The following CACNA1H variants were observed in gnomAD, a reference collection of about 807,000 sequenced individuals.
CACNA1H encodes calcium voltage-gated channel subunit alpha1 H.
CACNA1H carries 149 observed loss-of-function variants against 192.5 expected under a neutral mutation model. The ratio of observed to expected loss-of-function variants is 0.77; its 90% CI spans 0.68 to 0.89. The LOEUF (loss-of-function observed/expected upper bound fraction) is 0.89, where lower values mean the gene tolerates loss of function less well. CACNA1H is among the 40% of genes least tolerant of loss of function. The probability of loss-of-function intolerance (pLI) is 0.00; values close to 1 mark genes in which losing one functional copy is unlikely to be tolerated. For synonymous variants in CACNA1H, 2,202 were observed against 1,475.2 expected (o/e 1.49, Z -11.29); for missense variants, 4,257 against 3,423.5 (o/e 1.24, Z -6.08).
chr16:1,163,149 G>A (rs541574346), intron 2 of CACNA1H, among the ~76,000 whole-genome samples: 37 of 152,344 alleles, frequency 2.4e-4, no homozygotes, highest in Non-Finnish European at 4.3e-4. Context: ...CTGCCCTGGG[G>A]AGCCGATCCT....
chr16:1,185,103 G>A (rs1433977677), intron 2 of CACNA1H, among the ~76,000 whole-genome samples: 4 of 152,284 alleles, frequency 2.6e-5, no homozygotes, highest in East Asian at 1.9e-4. Flanking sequence ...GGGACTTTCC[G>A]TGTGACATGT....
intron 2 of CACNA1H, among the ~76,000 whole-genome samples, chr16:1,158,817 G>C (rs150786453): frequency 0.023 from 3,527 of 150,700 alleles, 100 homozygotes; most frequent in African/African-American, 0.066. Flanking sequence ...CCCGCAGGGC[G>C]CCACTCAGCC....
At position 1,192,423 on chromosome 16, in the gene CACNA1H, C is replaced by T. The variant is rs542296882; in HGVS notation, c.300-2549C>T. Among the ~76,000 whole-genome samples the T allele has an allele frequency of 2.6e-5, 4 of 152,406 alleles. No individual in the cohort carries two copies. The East Asian group carries it at 7.7e-4, about 29-fold the overall frequency. On this transcript the variant is annotated intron_variant, in intron 2 of 34. Coordinates refer to ENST00000348261, the MANE Select transcript of CACNA1H (RefSeq NM_021098.3). Reference sequence around the variant, plus strand: ...CTGGGCTCTGACACCATCCACTCCACTCTGCTGGCTGGACAGTCTTAGAGA... The same window carrying T: ...CTGGGCTCTGACACCATCCACTCCATTCTGCTGGCTGGACAGTCTTAGAGA...
Position 1,200,227 on chromosome 16 carries a change from C to T in CACNA1H, c.804-29C>T, listed in dbSNP as rs779743613. The T allele has an allele frequency of 3.3e-5, 51 of 1,561,344 alleles. 1 individual carries two copies. Among genetic ancestry groups the T allele is most frequent in the Admixed American group, 7.6e-5 (4 of 52,864 alleles). Reference sequence around the variant, plus strand: ...TGACCGTCCCTGACCCTGATTGTACCTTTTGGCCCTGGCTGTGCCCATCCC... The same window carrying T: ...TGACCGTCCCTGACCCTGATTGTACTTTTTGGCCCTGGCTGTGCCCATCCC... On this transcript the variant is annotated intron_variant, in intron 6 of 34. Transcript: ENST00000348261.
intron 5 of CACNA1H, 83 bp from the exon 6 acceptor site, chr16:1,198,532 C>T (rs1007557842): frequency 1.3e-6 from 2 of 1,496,266 alleles, no homozygotes; most frequent in Non-Finnish European, 1.8e-6. Flanking sequence ...GTGGACGGGG[C>T]TCGGGGGTCC....
rs1965405515 is a variant in CACNA1H, at chr16:1,180,955, C to CGCCAG, written c.300-14016_300-14012dup. Among the ~76,000 whole-genome samples the CGCCAG allele has an allele frequency of 6.6e-6, 1 of 152,194 alleles. No individual in the cohort carries two copies. On this transcript the variant is annotated intron_variant, in intron 2 of 34. Transcript: ENST00000348261. The surrounding 1 kb of genome is among the most constrained non-coding windows in gnomAD (Gnocchi z 4.4). Reference sequence around the variant, plus strand: ...GAAAGCGCCTTGGCGGGACTGCTTCCGCCAGCTTCCCGGCCAGACCCAAGG... The same window carrying CGCCAG: ...GAAAGCGCCTTGGCGGGACTGCTTCCGCCAGGCCAGCTTCCCGGCCAGACCCAAGG...
rs886467285 is a variant in CACNA1H, at chr16:1,175,469, G to A, written c.300-19503G>A. 1.7e-4 allele frequency among the ~76,000 whole-genome samples: 26 copies of A among 152,294 alleles called. 1 individual carries two copies. The South Asian group carries it at 2.5e-3, about 15-fold the overall frequency. On this transcript the variant is annotated intron_variant, in intron 2 of 34. Coordinates refer to ENST00000348261, the MANE Select transcript of CACNA1H (RefSeq NM_021098.3). The stretch of plus-strand genomic sequence containing the variant: ...ACTGCTGTGTCGTCGCTCCTGCTGG[G>A]CCCTGGCCTGGGCTGGATGCACCCC...
At chr16:1,199,383 G>A (rs547953745) in intron 6 of CACNA1H, among the ~76,000 whole-genome samples, 75 of 4,668 alleles carry the variant, frequency 0.016, 10 homozygotes, top group African/African-American at 0.068. Flanking sequence ...TCATGGCTCC[G>A]CCCACGGTGC....
At chr16:1,205,396 A>G (rs868041762) in intron 11 of CACNA1H, 131 bp downstream of exon 11, 24 of 1,030,996 alleles carry the variant, frequency 2.3e-5, no homozygotes, top group Middle Eastern at 4.4e-4. Context: ...AGGCCGTGGG[A>G]AGCAGGTGCT....
At chr16:1,198,861 C>T (rs1267636435) in intron 6 of CACNA1H, 87 bp downstream of exon 6, 4 of 1,332,860 alleles carry the variant, frequency 3.0e-6, no homozygotes, top group Non-Finnish European at 4.1e-6. Flanking sequence ...CACCGCCCCA[C>T]GTGGCTCTGC....
In CACNA1H at chr16:1,167,951, C is replaced by T. The variant is rs932471244; in HGVS notation, c.299+13915C>T. On this transcript the variant is annotated intron_variant, in intron 2 of 34. Coordinates refer to ENST00000348261, the MANE Select transcript of CACNA1H (RefSeq NM_021098.3). The surrounding 1 kb of genome is among the most constrained non-coding windows in gnomAD (Gnocchi z 4.2). ...TGGGGCCTCAGGAGCCAGGCCTGTT[C>T]CCCGGGGCTGCCTGGAGGCGGCCGC... Among the ~76,000 whole-genome samples the T allele has an allele frequency of 6.6e-6, 1 of 152,212 alleles. No individual in the cohort carries two copies. The highest frequency in any genetic ancestry group is 2.1e-4 in the South Asian group (1 of 4,838).
chr16:1,213,313 T>A (rs2141362554), intron 26 of CACNA1H, among the ~76,000 whole-genome samples: 1 of 152,264 alleles, frequency 6.6e-6, no homozygotes, highest in Admixed American at 6.5e-5. Context: ...TTCATCAGTG[T>A]CTCAGCCTGA....
At chr16:1,160,912 G>A (rs1391172935) in intron 2 of CACNA1H, among the ~76,000 whole-genome samples, 3 of 152,142 alleles carry the variant, frequency 2.0e-5, no homozygotes, top group African/African-American at 7.2e-5. Flanking sequence ...CGAGGACCGA[G>A]GCATCAGCCC....
intron 2 of CACNA1H, among the ~76,000 whole-genome samples, chr16:1,171,106 G>T (rs1964323499): frequency 6.6e-6 from 1 of 152,130 alleles, no homozygotes; most frequent in Non-Finnish European, 1.5e-5. Context: ...CTTTGTCCCT[G>T]CTGAGCCCCT....
In CACNA1H at chr16:1,204,071, C is replaced by G. The variant is rs766428359; in HGVS notation, c.2064C>G (p.Pro688=). Residue 688 remains proline, a synonymous_variant, in exon 10 of 35, where the codon CCC becomes CCG. Transcript: ENST00000348261. ...GTGTGCCCTGCCCCCTGCCCAGCCCCCCAGCGGGCACACTGACCTGTGAGC... is the reference window on the plus strand; with the variant it reads ...GTGTGCCCTGCCCCCTGCCCAGCCCGCCAGCGGGCACACTGACCTGTGAGC... ...GLSVPCPLPS[P]PAGTLTCELK... The G allele has an allele frequency of 4.6e-5, 74 of 1,603,052 alleles. No individual in the cohort carries two copies. The highest frequency in any genetic ancestry group is 6.1e-5 in the Non-Finnish European group (72 of 1,175,800).
intron 2 of CACNA1H, among the ~76,000 whole-genome samples, chr16:1,174,913 G>A (rs1417994057): frequency 1.4e-5 from 2 of 141,968 alleles, no homozygotes; most frequent in South Asian, 2.3e-4. Flanking sequence ...GCCCCCACCC[G>A]CACCTTCACC....
chr16:1,156,537 G>A (rs75157953), intron 2 of CACNA1H, among the ~76,000 whole-genome samples: 2,281 of 152,288 alleles, frequency 0.015, 64 homozygotes, highest in African/African-American at 0.052. Flanking sequence ...TGCAGGAGGC[G>A]GCAGGGGCGG....
Position 1,220,453 on chromosome 16 carries a change from AG to A in CACNA1H, c.6523del (p.Ala2175ProfsTer13), listed in dbSNP as rs1368516753. On this transcript the variant is annotated frameshift_variant, in exon 35 of 35. Coordinates refer to ENST00000348261, the MANE Select transcript of CACNA1H (RefSeq NM_021098.3). LOFTEE classifies it low-confidence loss of function (END_TRUNC). ...GGGGAGGCGAAGGCCTGGGGCCCTG[AG>A]GCCGAGCCCGCTCTGGGTGCGCGCA... ...EPGEAKAWGP[E>X]AEPALGARRK... The A allele has an allele frequency of 6.5e-7, 1 of 1,540,634 alleles. No homozygotes were observed. Among genetic ancestry groups the A allele is most frequent in the Non-Finnish European group, 8.7e-7 (1 of 1,152,436 alleles).
chr16:1,214,675 G>A (rs867460460), intron 27 of CACNA1H, among the ~76,000 whole-genome samples: 3 of 152,200 alleles, frequency 2.0e-5, no homozygotes, highest in East Asian at 1.9e-4. Flanking sequence ...GCTGCAGGGT[G>A]TGAAATGGGC....
Sources: allele counts gnomAD v4.1 joint callset (sites outside exome capture counted in the v4.1 genomes callset), GRCh38; gene constraint gnomAD v4.1.1; non-coding constraint Gnocchi (gnomAD v3.1); transcripts MANE v1.5; gene names NCBI Gene and HGNC (gene_info 2026-07-23, HGNC 2026-07-21).